PDCD2L: variants seen among roughly 807,000 people sequenced by gnomAD.
PDCD2L encodes uS5 assembly chaperone PDCD2L.
In PDCD2L, 44 loss-of-function variants were observed where a neutral mutation model predicts 40.4. That is an observed-to-expected ratio of 1.09 (90% CI 0.86 to 1.40). The LOEUF (loss-of-function observed/expected upper bound fraction) is 1.40, where lower values mean the gene tolerates loss of function less well. Ranked by LOEUF, PDCD2L falls within the 40% of genes most tolerant of loss-of-function variation. PDCD2L has a pLI of 0.00. For synonymous variants in PDCD2L, 194 were observed against 174.6 expected, an observed-to-expected ratio of 1.11 and a Z score of -0.88; for missense variants, 470 against 453.7, an observed-to-expected ratio of 1.04 and a Z score of -0.33.
chr19:34,409,058 T>G, intron 3 of PDCD2L, 103 bp from the exon 4 acceptor site: 4 of 1,004,860 alleles, frequency 4.0e-6, no homozygotes. Flanking sequence ...GGGGATGGTG[T>G]GAAGGCTCCC....
At chr19:34,409,140 A>ATTC (rs2075090104) in intron 3 of PDCD2L, 21 bp from the exon 4 acceptor site, 1 of 1,600,954 alleles carries the variant, frequency 6.2e-7, no homozygotes. Flanking sequence ...CTCGGACCTC[A>ATTC]TTCACTGAGT....
Position 34,404,506 on chromosome 19 carries a change from G to A in PDCD2L, c.76G>A (p.Ala26Thr). 1.3e-6 allele frequency: 2 copies of A among 1,542,838 alleles called. No individual in the cohort carries two copies. The highest frequency in any genetic ancestry group is 1.7e-6 in the Non-Finnish European group (2 of 1,147,194). Residue 26 changes from alanine to threonine, a missense_variant, in exon 1 of 7, where the codon GCC becomes ACC. Coordinates refer to ENST00000246535, the MANE Select transcript of PDCD2L (RefSeq NM_032346.2). Reference sequence around the variant, plus strand: ...GCACGGCAGCCCCACAGGGCCGGGTGCCTGGACTGCTAGCAAGCTGGGCGG... The same window carrying A: ...GCACGGCAGCCCCACAGGGCCGGGTACCTGGACTGCTAGCAAGCTGGGCGG... ...PVHGSPTGPG[A>T]WTASKLGGIP... is the part of the protein sequence containing the mutation.
Position 34,404,820 on chromosome 19 carries a change from G to A in PDCD2L, c.275+5G>A, listed in dbSNP as rs201461270. The A allele has an allele frequency of 2.4e-4, 380 of 1,602,962 alleles. No homozygotes were observed. The East Asian group carries it at 5.7e-3, about 24-fold the overall frequency. ...TAGCACCGGCGGTGCGCGCAGGTAGGCGGGGAAGTCCCAGAGCTGCTCCAG... is the reference window on the plus strand; with the variant it reads ...TAGCACCGGCGGTGCGCGCAGGTAGACGGGGAAGTCCCAGAGCTGCTCCAG... On this transcript the variant is annotated splice_donor_5th_base_variant and intron_variant, in intron 2 of 6. Coordinates refer to ENST00000246535, the MANE Select transcript of PDCD2L (RefSeq NM_032346.2).
At position 34,404,548 on chromosome 19, in the gene PDCD2L, G is replaced by A; in HGVS notation, c.108+10G>A. On this transcript the variant is annotated intron_variant, in intron 1 of 6. Transcript: ENST00000246535. ...GCTGGGCGGCATTCCGGTGAGGGCG[G>A]GTGCCGGAGCTGGGGTCGATGGGTG... The A allele has an allele frequency of 6.4e-7, 1 of 1,551,478 alleles. No homozygotes were observed. The highest frequency in any genetic ancestry group is 2.4e-5 in the East Asian group (1 of 41,498).
At chr19:34,404,573 G>A in intron 1 of PDCD2L, 35 bp downstream of exon 1, 1 of 1,575,570 alleles carries the variant, frequency 6.3e-7, no homozygotes, top group Non-Finnish European at 8.6e-7. Flanking sequence ...GTCGATGGGT[G>A]CTGCTGAAGG....
intron 5 of PDCD2L, among the ~76,000 whole-genome samples, chr19:34,414,474 CTTTTTTTTTTTTTTTTT>C (rs35413401): frequency 2.5e-5 from 1 of 39,790 alleles, no homozygotes; most frequent in Non-Finnish European, 4.6e-5. Flanking sequence ...CCATGCCTGG[CTTTTTTTTTTTTTTTTT>C]TTTTTTTTTT....
At position 34,409,196 on chromosome 19, in the gene PDCD2L, T is replaced by G; in HGVS notation, c.372T>G (p.Cys124Trp). The G allele has an allele frequency of 6.2e-7, 1 of 1,614,098 alleles. No homozygotes were observed. The highest frequency in any genetic ancestry group is 1.1e-5 in the South Asian group (1 of 91,080). ...QGNSLAAEDW[C>W]EGADDWGSDT... The stretch of plus-strand genomic sequence containing the variant: ...ACAGCCTTGCAGCTGAGGACTGGTG[T>G]GAAGGTGCTGATGACTGGGGAAGTG... The change falls in exon 4 of 7, where the codon TGT (cysteine) becomes TGG (tryptophan). Residue 124 changes from cysteine (C) to tryptophan (W), a missense_variant. Cys to Trp is a radical substitution (Grantham distance 215, BLOSUM62 -2). Transcript: ENST00000246535.
chr19:34,413,327 A>ATTTTTT (rs34915589), intron 4 of PDCD2L, among the ~76,000 whole-genome samples: 10 of 98,814 alleles, frequency 1.0e-4, no homozygotes, highest in Non-Finnish European at 1.3e-4. Context: ...GGCGTGATTG[A>ATTTTTT]TTTTTTTTTT....
intron 6 of PDCD2L, among the ~76,000 whole-genome samples, chr19:34,423,831 A>G (rs2075164170): frequency 5.3e-5 from 8 of 152,086 alleles, no homozygotes; most frequent in Admixed American, 4.6e-4. Flanking sequence ...CCTTAGTTCT[A>G]TGTGTAAATG....
At chr19:34,416,459 C>T (rs762453227) in intron 5 of PDCD2L, among the ~76,000 whole-genome samples, 5 of 152,146 alleles carry the variant, frequency 3.3e-5, no homozygotes, top group Non-Finnish European at 7.3e-5. Flanking sequence ...GGATCTTTCT[C>T]AACATACAGC....
chr19:34,413,319 C>T (rs982573549), intron 4 of PDCD2L, among the ~76,000 whole-genome samples: 26 of 144,560 alleles, frequency 1.8e-4, no homozygotes, highest in African/African-American at 4.7e-4. Flanking sequence ...GGATTAAAGG[C>T]GTGATTGATT....
Position 34,426,056 on chromosome 19 carries a change from A to T in PDCD2L, c.1013A>T (p.His338Leu). 1 of 1,610,034 alleles carries T rather than the reference A, an allele frequency of 6.2e-7. No homozygotes were observed. Among genetic ancestry groups the T allele is most frequent in the Non-Finnish European group, 8.5e-7 (1 of 1,176,308 alleles). ...TCEKSCWPPN[H>L]QTPMEEFCII... The stretch of plus-strand genomic sequence containing the variant: ...GAGAAGAGTTGCTGGCCCCCAAATC[A>T]TCAGACTCCCATGGAAGAATTTTGT... The change falls in exon 7 of 7, where the codon CAT becomes CTT. Residue 338 changes from histidine (H) to leucine (L), a missense_variant. By Grantham distance (99) the His-to-Leu change is moderately conservative. Transcript: ENST00000246535.
chr19:34,414,474 C>CTTTTTTT (rs35413401), intron 5 of PDCD2L, among the ~76,000 whole-genome samples: 1 of 39,790 alleles, frequency 2.5e-5, no homozygotes, highest in Non-Finnish European at 4.6e-5. Flanking sequence ...CCATGCCTGG[C>CTTTTTTT]TTTTTTTTTT....
At chr19:34,419,949 A>ATT (rs200205101) in intron 5 of PDCD2L, among the ~76,000 whole-genome samples, 2,271 of 150,734 alleles carry the variant, frequency 0.015, 32 homozygotes, top group African/African-American at 0.052. Flanking sequence ...TGTCTGGCTA[A>ATT]TTTTTGTATT....
chr19:34,425,920 A>C (rs771999264), intron 6 of PDCD2L, 70 bp from the exon 7 acceptor site: 14 of 1,501,550 alleles, frequency 9.3e-6, no homozygotes, highest in Non-Finnish European at 1.3e-5. Flanking sequence ...ATAAGGTAAA[A>C]TCATTCCTTT....
At chr19:34,406,489 C>T (rs2075076409) in intron 3 of PDCD2L, among the ~76,000 whole-genome samples, 1 of 151,784 alleles carries the variant, frequency 6.6e-6, no homozygotes, top group South Asian at 2.1e-4. Context: ...GGGTTCACAC[C>T]ATTCTGCCTC....
At position 34,421,651 on chromosome 19, in the gene PDCD2L, C is replaced by G. The variant is rs2075151999; in HGVS notation, c.930C>G (p.Leu310=). ...FQLMPALVSM[L]KSANLGLSVE... Reference sequence around the variant, plus strand: ...TTATGCCAGCACTGGTCAGCATGCTCAAGAGTGCTAATTTAGGTGAGAAGC... The same window carrying G: ...TTATGCCAGCACTGGTCAGCATGCTGAAGAGTGCTAATTTAGGTGAGAAGC... Residue 310 remains leucine, a synonymous_variant, in exon 6 of 7, where the codon CTC becomes CTG. Transcript: ENST00000246535. 6.2e-7 allele frequency: 1 copy of G among 1,613,110 alleles called. No individual in the cohort carries two copies. Among genetic ancestry groups the G allele is most frequent in the Non-Finnish European group, 8.5e-7 (1 of 1,179,550 alleles).
chr19:34,410,759 A>AT (rs1264054511), intron 4 of PDCD2L, among the ~76,000 whole-genome samples: 1 of 51,724 alleles, frequency 1.9e-5, no homozygotes, highest in African/African-American at 5.7e-5. Context: ...AGGACTTTTT[A>AT]TTTTTTATTT....
Position 34,421,915 on chromosome 19 carries a change from CT to C in PDCD2L, c.946+249del, listed in dbSNP as rs1383205820. 11 of 301,934 alleles carry C rather than the reference CT, an allele frequency of 3.6e-5. No homozygotes were observed. In the Admixed American group the frequency reaches 4.9e-4, roughly 13 times the overall value. The allele number at this position is 301,934 out of a possible 1,614,324, so 18.7% of individuals were successfully genotyped here. ...CCATCCTGGCCAATGTGGTGAAACC[CT>C]GTCTCTACTATAATATAAAAAATTA... On this transcript the variant is annotated intron_variant, in intron 6 of 6. Coordinates refer to ENST00000246535, the MANE Select transcript of PDCD2L (RefSeq NM_032346.2).
Sources: allele counts gnomAD v4.1 joint callset (sites outside exome capture counted in the v4.1 genomes callset), GRCh38; gene constraint gnomAD v4.1.1; transcripts MANE v1.5; gene names NCBI Gene and HGNC (gene_info 2026-07-23, HGNC 2026-07-21).